The following BCR variants were observed in gnomAD, a reference collection of about 807,000 sequenced individuals.
BCR encodes BCR activator of RhoGEF and GTPase.
In BCR, 58 loss-of-function variants were observed where a neutral mutation model predicts 138.6. That is an observed-to-expected ratio of 0.42 (90% CI 0.34 to 0.52). The LOEUF (loss-of-function observed/expected upper bound fraction) is 0.52. Ranked by LOEUF, BCR falls within the 20% of genes least tolerant of loss-of-function variation. The pLI is 0.06. For synonymous variants in BCR, 786 were observed against 730.1 expected, an observed-to-expected ratio of 1.08 and a Z score of -1.23; for missense variants, 1,599 against 1,727.2, an observed-to-expected ratio of 0.93 and a Z score of 1.32.
intron 1 of BCR, among the ~76,000 whole-genome samples, chr22:23,247,728 A>T (rs570230067): frequency 6.6e-6 from 1 of 152,148 alleles, no homozygotes; most frequent in African/African-American, 2.4e-5. Context: ...TCAGTTCTGC[A>T]TGCATTTCCT....
In BCR at chr22:23,263,636, C is replaced by G. The variant is rs959226368; in HGVS notation, c.1752+2096C>G. The stretch of plus-strand genomic sequence containing the variant: ...GTTTGCCACTTTGTGCTGGCCACCT[C>G]GCATATTGTCAGTGCAGGAGGAGAT... On this transcript the variant is annotated intron_variant, in intron 4 of 22. Coordinates refer to ENST00000305877, the MANE Select transcript of BCR (RefSeq NM_004327.4). 8 of 1,487,938 alleles carry G rather than the reference C, an allele frequency of 5.4e-6. No individual in the cohort carries two copies. The South Asian group carries it at 6.8e-5, about 13-fold the overall frequency. The allele number at this position is 1,487,938 out of a possible 1,614,324, so 92.2% of individuals were successfully genotyped here. A position where few individuals can be genotyped will look rare whatever the true frequency, so the allele number is the denominator to read the frequency against.
intron 15 of BCR, among the ~76,000 whole-genome samples, chr22:23,294,657 C>G (rs2073825689): frequency 6.6e-6 from 1 of 152,198 alleles, no homozygotes; most frequent in African/African-American, 2.4e-5. Flanking sequence ...CCTTGGCCTC[C>G]CAAAGTACTG....
At chr22:23,186,565 C>T (rs758947741) in intron 1 of BCR, among the ~76,000 whole-genome samples, 1 of 152,208 alleles carries the variant, frequency 6.6e-6, no homozygotes, top group East Asian at 1.9e-4. Flanking sequence ...CTGCCCCCAG[C>T]CCCTGGCACT....
At chr22:23,191,503 G>A (rs371131035) in intron 1 of BCR, among the ~76,000 whole-genome samples, 2 of 152,088 alleles carry the variant, frequency 1.3e-5, no homozygotes, top group East Asian at 3.8e-4. Flanking sequence ...TTTCCCCTGC[G>A]TATCTTTCTT....
Position 23,237,126 on chromosome 22 carries a change from A to G in BCR, c.1280-16673A>G, listed in dbSNP as rs1182598935. ...GGCGTGTCTGCAGTGGCATGGTGAT[A>G]TAGCCACGCCGCCCCTGTTTGTGAG... On this transcript the variant is annotated intron_variant, in intron 1 of 22. Coordinates refer to ENST00000305877, the MANE Select transcript of BCR (RefSeq NM_004327.4). 2.0e-5 allele frequency among the ~76,000 whole-genome samples: 3 copies of G among 152,314 alleles called. No homozygotes were observed. In the East Asian group the frequency reaches 5.8e-4, roughly 29 times the overall value.
At chr22:23,280,174 C>CTTT (rs1342684853) in intron 8 of BCR, among the ~76,000 whole-genome samples, 7 of 152,214 alleles carry the variant, frequency 4.6e-5, no homozygotes, top group Non-Finnish European at 1.0e-4. Flanking sequence ...TCAGCCCTAA[C>CTTT]AGTATGCTTC....
Position 23,305,113 on chromosome 22 carries a change from TA to T in BCR, c.3013-4294del, listed in dbSNP as rs131687. Among the ~76,000 whole-genome samples, 706 of 141,400 alleles carry T rather than the reference TA, an allele frequency of 5.0e-3. 3 individuals carry two copies. Among genetic ancestry groups the T allele is most frequent in the Non-Finnish European group, 6.6e-3 (424 of 64,732 alleles). 92.8% of individuals were successfully genotyped at this position (141,400 alleles called of 152,430 possible). A position where few individuals can be genotyped will look rare whatever the true frequency, so the allele number is the denominator to read the frequency against. ...TGGGCAACAGAGTGAGACTCCGCCT[TA>T]AAAAAAAAAAAAAAAAGGTGCAGGA... On this transcript the variant is annotated intron_variant, in intron 16 of 22. Coordinates refer to ENST00000305877, the MANE Select transcript of BCR (RefSeq NM_004327.4).
At chr22:23,227,801 C>G (rs935538315) in intron 1 of BCR, among the ~76,000 whole-genome samples, 2 of 152,214 alleles carry the variant, frequency 1.3e-5, no homozygotes, top group African/African-American at 4.8e-5. Flanking sequence ...AAGAAATCTT[C>G]TAGAAGCCTG....
At chr22:23,189,165 T>G (rs955641999) in intron 1 of BCR, among the ~76,000 whole-genome samples, 4 of 152,154 alleles carry the variant, frequency 2.6e-5, no homozygotes, top group Non-Finnish European at 5.9e-5. Flanking sequence ...CGGCTAAAAT[T>G]TATATTATAA....
At chr22:23,254,665 C>A in intron 2 of BCR, 1 of 507,868 alleles carries the variant, frequency 2.0e-6, no homozygotes, top group Middle Eastern at 3.3e-4. Flanking sequence ...TCTTGCTGGT[C>A]CCACAGCTCA....
intron 4 of BCR, chr22:23,262,720 TGAGGG>T (rs2073378891): frequency 1.4e-5 from 6 of 423,278 alleles, no homozygotes; most frequent in Non-Finnish European, 1.8e-5. Flanking sequence ...CGGGCCCGGG[TGAGGG>T]CGGGGGCGGA....
chr22:23,186,478 A>G (rs1430979551), intron 1 of BCR, among the ~76,000 whole-genome samples: 2 of 152,312 alleles, frequency 1.3e-5, no homozygotes, highest in East Asian at 3.9e-4. Context: ...TTGTACGACC[A>G]TCACTACTGT....
intron 4 of BCR, among the ~76,000 whole-genome samples, chr22:23,267,723 A>G (rs1399022342): frequency 6.6e-6 from 1 of 152,210 alleles, no homozygotes; most frequent in African/African-American, 2.4e-5. Context: ...TGCTGCACTC[A>G]CACAAGTTGT....
chr22:23,242,967 C>T (rs982694832), intron 1 of BCR: 14 of 445,052 alleles, frequency 3.1e-5, no homozygotes, highest in East Asian at 1.4e-4. Context: ...TCCCTGCCTC[C>T]GCCTTCAAAT....
chr22:23,247,639 GTC>G (rs1317004642), intron 1 of BCR, among the ~76,000 whole-genome samples: 2 of 152,166 alleles, frequency 1.3e-5, no homozygotes, highest in African/African-American at 2.4e-5. Flanking sequence ...AGGATCTGGG[GTC>G]TCTCTAGGCA....
At chr22:23,225,018 G>A (rs1349812473) in intron 1 of BCR, among the ~76,000 whole-genome samples, 1 of 151,784 alleles carries the variant, frequency 6.6e-6, no homozygotes, top group Non-Finnish European at 1.5e-5. Context: ...CCGGCATTTG[G>A]AGCAGCTGGC....
chr22:23,208,114 C>T (rs2072639579), intron 1 of BCR, among the ~76,000 whole-genome samples: 1 of 152,202 alleles, frequency 6.6e-6, no homozygotes, highest in African/African-American at 2.4e-5. Flanking sequence ...GCTGGAGCTT[C>T]GTGTTTGCAG....
chr22:23,263,225 G>A (rs565151576), intron 4 of BCR: 10 of 991,336 alleles, frequency 1.0e-5, no homozygotes, highest in South Asian at 3.2e-5. Flanking sequence ...GGCGCCTGCC[G>A]GAAGTGCTGC....
chr22:23,204,050 A>G (rs375917674), intron 1 of BCR, among the ~76,000 whole-genome samples: 42 of 152,274 alleles, frequency 2.8e-4, no homozygotes, highest in African/African-American at 9.9e-4. Flanking sequence ...TGGTGAGACC[A>G]CGTTTGGAGG....
Sources: allele counts gnomAD v4.1 joint callset (sites outside exome capture counted in the v4.1 genomes callset), GRCh38; gene constraint gnomAD v4.1.1; transcripts MANE v1.5; gene names NCBI Gene and HGNC (gene_info 2026-07-23, HGNC 2026-07-21).